Variants in SBF2 observed in about 807,000 individuals in gnomAD.
SBF2 encodes the protein SET binding factor 2, also known as myotubularin-related protein 13.
SBF2 carries 112 observed loss-of-function variants against 225.2 expected under a neutral mutation model. That is an observed-to-expected ratio of 0.50 (90% CI 0.43 to 0.58). The LOEUF (loss-of-function observed/expected upper bound fraction) is 0.58, where lower values mean the gene tolerates loss of function less well. Ranked by LOEUF, SBF2 falls within the 20% of genes least tolerant of loss-of-function variation. The probability of loss-of-function intolerance (pLI) is 0.00; values close to 1 mark genes in which losing one functional copy is unlikely to be tolerated. For synonymous variants in SBF2, 763 were observed against 773.3 expected (o/e 0.99, Z 0.22); for missense variants, 1,996 against 2,206.2 (o/e 0.90, Z 1.91).
chr11:9,814,762 T>C (rs1450154874), intron 29 of SBF2, among the ~76,000 whole-genome samples: 4 of 152,238 alleles, frequency 2.6e-5, no homozygotes, highest in Non-Finnish European at 5.9e-5. Flanking sequence ...TAGATTCCTA[T>C]TTCCCAACTA....
chr11:10,047,966 C>T (rs967608113), intron 2 of SBF2, among the ~76,000 whole-genome samples: 1 of 152,092 alleles, frequency 6.6e-6, no homozygotes, highest in Non-Finnish European at 1.5e-5. Flanking sequence ...ACTCCAAAAC[C>T]ATCTTTATTA....
At chr11:10,072,222 T>C (rs886771853) in intron 2 of SBF2, among the ~76,000 whole-genome samples, 11 of 152,238 alleles carry the variant, frequency 7.2e-5, no homozygotes, top group Non-Finnish European at 1.5e-4. Flanking sequence ...TTATATCTTA[T>C]ATAGCCTTTA....
At chr11:9,784,076 TAA>T (rs978060709) in intron 38 of SBF2, among the ~76,000 whole-genome samples, 3 of 151,982 alleles carry the variant, frequency 2.0e-5, no homozygotes, top group Admixed American at 6.6e-5. Context: ...ATTTGAGCAT[TAA>T]AAAAAGAGTT....
intron 1 of SBF2, among the ~76,000 whole-genome samples, chr11:10,291,433 A>G (rs1964151366): frequency 6.6e-6 from 1 of 152,144 alleles, no homozygotes; most frequent in Non-Finnish European, 1.5e-5. Context: ...ATAAATTTCT[A>G]TTGTTTATAA....
chr11:10,169,482 AGTTTCAT>A (rs1294073888), intron 2 of SBF2, among the ~76,000 whole-genome samples: 1 of 152,020 alleles, frequency 6.6e-6, no homozygotes, highest in Non-Finnish European at 1.5e-5. Flanking sequence ...CATGACTTCC[AGTTTCAT>A]GTTGTTGCAA....
At chr11:10,037,242 C>T (rs1206915954) in intron 3 of SBF2, among the ~76,000 whole-genome samples, 5 of 152,092 alleles carry the variant, frequency 3.3e-5, no homozygotes, top group African/African-American at 4.8e-5. Flanking sequence ...TGGATACTTG[C>T]AAAGTTGTAA....
chr11:9,828,363 A>G, intron 28 of SBF2: 1 of 1,159,996 alleles, frequency 8.6e-7, no homozygotes, highest in Non-Finnish European at 1.1e-6. Flanking sequence ...TATTAGAGAT[A>G]ACAAGGCAAT....
At chr11:10,277,964 C>A (rs1290158741) in intron 1 of SBF2, among the ~76,000 whole-genome samples, 1 of 152,024 alleles carries the variant, frequency 6.6e-6, no homozygotes, top group Non-Finnish European at 1.5e-5. Flanking sequence ...TATGGCAACC[C>A]CAAGAAACTA....
At chr11:10,257,891 A>G (rs758172441) in intron 1 of SBF2, among the ~76,000 whole-genome samples, 1 of 151,972 alleles carries the variant, frequency 6.6e-6, no homozygotes, top group Non-Finnish European at 1.5e-5. Flanking sequence ...CAGGAGGCAG[A>G]GGTTGCAGTG....
chr11:9,818,203 C>T (rs1247272080), intron 28 of SBF2, among the ~76,000 whole-genome samples: 1 of 152,176 alleles, frequency 6.6e-6, no homozygotes, highest in Non-Finnish European at 1.5e-5. Context: ...CCTCAGCCTC[C>T]CAAAGTGCTG....
intron 17 of SBF2, among the ~76,000 whole-genome samples, chr11:9,872,380 G>A (rs1858849620): frequency 6.6e-6 from 1 of 152,150 alleles, no homozygotes; most frequent in Non-Finnish European, 1.5e-5. Flanking sequence ...CATGATCTGT[G>A]CAGCAAACTA....
intron 1 of SBF2, among the ~76,000 whole-genome samples, chr11:10,225,250 C>T (rs368552339): frequency 1.3e-5 from 2 of 151,552 alleles, no homozygotes; most frequent in Admixed American, 6.6e-5. Context: ...TTAAAATATA[C>T]CAATTTGAGA....
At chr11:9,829,518 A>C in intron 27 of SBF2, 22 bp from the exon 28 acceptor site, 1 of 1,567,496 alleles carries the variant, frequency 6.4e-7, no homozygotes, top group Non-Finnish European at 8.8e-7. Flanking sequence ...AAATATATTG[A>C]ATAAAATAAA....
chr11:10,069,638 A>T (rs1174836024), intron 2 of SBF2, among the ~76,000 whole-genome samples: 3 of 152,186 alleles, frequency 2.0e-5, no homozygotes, highest in Admixed American at 6.5e-5. Context: ...ATGTGTCTTT[A>T]TATTAGAATG....
chr11:9,825,059 T>C (rs201639165), intron 28 of SBF2, among the ~76,000 whole-genome samples: 1 of 152,140 alleles, frequency 6.6e-6, no homozygotes, highest in Non-Finnish European at 1.5e-5. Context: ...TATATGGCTG[T>C]AATGGGTTGA....
chr11:9,837,680 A>G (rs546836048), intron 26 of SBF2, among the ~76,000 whole-genome samples: 2 of 152,174 alleles, frequency 1.3e-5, no homozygotes, highest in South Asian at 2.1e-4. Flanking sequence ...TATTTTTTCT[A>G]TCCTTTTACT....
At chr11:10,297,950 A>G (rs1246337271), upstream of SBF2, among the ~76,000 whole-genome samples, 1 of 152,276 alleles carries the variant, frequency 6.6e-6, no homozygotes, top group Non-Finnish European at 1.5e-5. Context: ...ATCCCCTACA[A>G]TAACCACCAT....
intron 1 of SBF2, among the ~76,000 whole-genome samples, chr11:10,208,547 G>A (rs1957823183): frequency 1.3e-5 from 2 of 152,040 alleles, no homozygotes; most frequent in Admixed American, 6.5e-5. Flanking sequence ...GGGGGTGAAG[G>A]AGGCGGTGAA....
chr11:9,790,471 C>A, intron 34 of SBF2, 85 bp downstream of exon 34: 2 of 1,216,210 alleles, frequency 1.6e-6, no homozygotes, highest in East Asian at 2.4e-5. Context: ...TTATAAAAAG[C>A]TTAAACTGCT....
Sources: allele counts gnomAD v4.1 joint callset (sites outside exome capture counted in the v4.1 genomes callset), GRCh38; gene constraint gnomAD v4.1.1; transcripts MANE v1.5; gene names NCBI Gene and HGNC (gene_info 2026-07-23, HGNC 2026-07-21).